C8orf34: variants seen among roughly 807,000 people sequenced by gnomAD.
C8orf34 encodes chromosome 8 open reading frame 34, also known as uncharacterized protein C8orf34.
C8orf34 carries 65 observed loss-of-function variants against 68.3 expected under a neutral mutation model. The observed-to-expected ratio is 0.95, with a 90% confidence interval of 0.78 to 1.17. C8orf34 has a LOEUF of 1.17. Among genes scored for constraint, C8orf34 ranks in the 50% most tolerant of loss-of-function variants. C8orf34 has a pLI of 0.00. For missense variants in C8orf34, 664 were observed against 655.4 expected (o/e 1.01, Z -0.14); for synonymous variants, 244 against 241.2 (o/e 1.01, Z -0.11).
chr8:68,553,402 A>AC (rs1362391095), intron 7 of C8orf34, among the ~76,000 whole-genome samples: 2 of 151,354 alleles, frequency 1.3e-5, no homozygotes, highest in African/African-American at 2.4e-5. Flanking sequence ...AAAAAAAAAA[A>AC]AAAAAAAACA....
At chr8:68,330,860 G>C (rs1382224669), upstream of C8orf34, 7 of 605,522 alleles carry the variant, frequency 1.2e-5, no homozygotes, top group East Asian at 1.4e-4. Context: ...GCCCCTGTCC[G>C]CCCGCGTGCG....
intron 7 of C8orf34, chr8:68,533,451 G>C: frequency 1.9e-6 from 2 of 1,048,854 alleles, no homozygotes; most frequent in Non-Finnish European, 2.3e-6. Flanking sequence ...AAGTCTGTCT[G>C]CTTTATTCTC....
rs114621345 is a variant in C8orf34, at chr8:68,338,356, G to A, written c.327+7017G>A. On this transcript the variant is annotated intron_variant, in intron 1 of 13. Coordinates refer to ENST00000518698, the MANE Select transcript of C8orf34 (RefSeq NM_052958.4). ...AAACCACAGCATATGTAGTGAAAAC[G>A]TTGTTTGGAATTTCCTGGAAATTAC... Among the ~76,000 whole-genome samples the A allele has an allele frequency of 7.9e-3, 1,200 of 152,212 alleles. 19 individuals are homozygous for A. Among genetic ancestry groups the A allele is most frequent in the African/African-American group, 0.026 (1,100 of 41,532 alleles).
At chr8:68,633,937 G>A (rs1270319453) in intron 7 of C8orf34, among the ~76,000 whole-genome samples, 1 of 151,118 alleles carries the variant, frequency 6.6e-6, no homozygotes, top group Non-Finnish European at 1.5e-5. Flanking sequence ...GAATTAAATT[G>A]ACACAATAGA....
At chr8:68,422,724 C>T (rs950406494) in intron 1 of C8orf34, among the ~76,000 whole-genome samples, 1 of 152,242 alleles carries the variant, frequency 6.6e-6, no homozygotes, top group Non-Finnish European at 1.5e-5. Context: ...CATTTCCCTT[C>T]CACACTGCCC....
At chr8:68,657,912 T>C (rs1306156549) in intron 8 of C8orf34, among the ~76,000 whole-genome samples, 2 of 152,208 alleles carry the variant, frequency 1.3e-5, no homozygotes, top group South Asian at 2.1e-4. Context: ...CCTGGCTCGA[T>C]GGCCTAGTGA....
chr8:68,462,342 G>A (rs972895382), intron 3 of C8orf34, among the ~76,000 whole-genome samples: 2 of 152,036 alleles, frequency 1.3e-5, no homozygotes, highest in Non-Finnish European at 2.9e-5. Flanking sequence ...AATAATAATG[G>A]GAGAATCTAA....
intron 4 of C8orf34, among the ~76,000 whole-genome samples, chr8:68,487,149 A>G (rs1035872819): frequency 6.6e-6 from 1 of 152,226 alleles, no homozygotes; most frequent in Admixed American, 6.5e-5. Context: ...GATGTGCCAT[A>G]TAGAGAAATA....
intron 7 of C8orf34, among the ~76,000 whole-genome samples, chr8:68,564,201 C>T (rs1816518222): frequency 6.6e-6 from 1 of 152,158 alleles, no homozygotes; most frequent in African/African-American, 2.4e-5. Context: ...TTGAACAAAA[C>T]CTCCAGTTTT....
chr8:68,606,921 A>G (rs763969488), intron 7 of C8orf34, among the ~76,000 whole-genome samples: 52 of 152,246 alleles, frequency 3.4e-4, no homozygotes, highest in Non-Finnish European at 5.9e-4. Flanking sequence ...CTAATTTAAG[A>G]TCTCCATGTG....
At chr8:68,615,118 G>T (rs1280289281) in intron 7 of C8orf34, among the ~76,000 whole-genome samples, 2 of 146,012 alleles carry the variant, frequency 1.4e-5, no homozygotes, top group Admixed American at 6.8e-5. Flanking sequence ...AAGAATGCTT[G>T]TGATTTTTGT....
At chr8:68,525,574 G>T (rs1035042916) in intron 6 of C8orf34, 7 of 904,262 alleles carry the variant, frequency 7.7e-6, no homozygotes, top group South Asian at 6.6e-5. Flanking sequence ...CTTCTTTGTG[G>T]TCCATGATGC....
intron 7 of C8orf34, among the ~76,000 whole-genome samples, chr8:68,596,797 C>A (rs1348140383): frequency 6.6e-6 from 1 of 152,132 alleles, no homozygotes; most frequent in Non-Finnish European, 1.5e-5. Flanking sequence ...GCAAGATACT[C>A]TAAGTTCCAA....
intron 7 of C8orf34, among the ~76,000 whole-genome samples, chr8:68,591,825 G>A (rs945157451): frequency 2.6e-5 from 4 of 152,118 alleles, no homozygotes; most frequent in African/African-American, 4.8e-5. Flanking sequence ...GGGAATTTAA[G>A]ACTTAAAATG....
chr8:68,609,848 A>G (rs1467729164), intron 7 of C8orf34, among the ~76,000 whole-genome samples: 2 of 152,120 alleles, frequency 1.3e-5, no homozygotes, highest in African/African-American at 2.4e-5. Context: ...GTTTCCAGGA[A>G]GGTGGGAGGT....
chr8:68,527,996 T>C (rs1244751486), intron 6 of C8orf34, among the ~76,000 whole-genome samples: 3 of 152,186 alleles, frequency 2.0e-5, no homozygotes, highest in African/African-American at 7.2e-5. Context: ...AATCCCCAGT[T>C]CTGCATCTTG....
Position 68,670,930 on chromosome 8 carries a change from C to G in C8orf34, c.1241+30419C>G, listed in dbSNP as rs138332883. ...TGTGATTTAATTATCTGATTTTTCT[C>G]CTCTTTTAGACAACAGGTCCATGTA... On this transcript the variant is annotated intron_variant, in intron 8 of 13. Transcript: ENST00000518698. Among the ~76,000 whole-genome samples, 603 of 152,236 alleles carry G rather than the reference C, an allele frequency of 4.0e-3. 7 individuals are homozygous for G. The highest frequency in any genetic ancestry group is 0.014 in the African/African-American group (569 of 41,542).
chr8:68,359,259 C>T (rs2692026), intron 1 of C8orf34, among the ~76,000 whole-genome samples: 101,158 of 152,058 alleles, frequency 0.67, 34,788 homozygotes, highest in African/African-American at 0.86. Context: ...TTTTATGTAA[C>T]GTACTGTATA....
chr8:68,786,974 TAACA>T (rs1823863199), intron 11 of C8orf34, among the ~76,000 whole-genome samples: 1 of 152,098 alleles, frequency 6.6e-6, no homozygotes, highest in Non-Finnish European at 1.5e-5. Context: ...AGAAATATGT[TAACA>T]AACTTTAGAA....
Sources: allele counts gnomAD v4.1 joint callset (sites outside exome capture counted in the v4.1 genomes callset), GRCh38; gene constraint gnomAD v4.1.1; transcripts MANE v1.5; gene names NCBI Gene and HGNC (gene_info 2026-07-23, HGNC 2026-07-21).